The following DYSF variants were observed in gnomAD, a reference collection of about 807,000 sequenced individuals.
DYSF encodes the protein dystrophy-associated fer-1-like 1.
In DYSF, 212 loss-of-function variants were observed where a neutral mutation model predicts 274.9. The observed-to-expected ratio is 0.77, with a 90% CI of 0.69 to 0.86. The LOEUF (loss-of-function observed/expected upper bound fraction) is 0.86. Among genes scored for constraint, DYSF ranks in the 40% least tolerant of loss-of-function variants. DYSF has a pLI of 0.00. For synonymous variants in DYSF, 1,091 were observed against 1,078.7 expected, an observed-to-expected ratio of 1.01 and a Z score of -0.22; for missense variants, 2,666 against 2,783.2, an observed-to-expected ratio of 0.96 and a Z score of 0.95.
At chr2:71,490,464 G>A (rs559408983) in intron 3 of DYSF, among the ~76,000 whole-genome samples, 16 of 152,174 alleles carry the variant, frequency 1.1e-4, no homozygotes, top group East Asian at 1.9e-4. Flanking sequence ...CTCAGCTTCC[G>A]GAGTAGCTGG....
At chr2:71,577,583 C>T (rs914719933) in intron 30 of DYSF, among the ~76,000 whole-genome samples, 1 of 151,962 alleles carries the variant, frequency 6.6e-6, no homozygotes, top group Non-Finnish European at 1.5e-5. Flanking sequence ...CACACCAACA[C>T]ACTCATACAC....
At chr2:71,627,418 A>G (rs1161434864) in intron 41 of DYSF, among the ~76,000 whole-genome samples, 1 of 152,100 alleles carries the variant, frequency 6.6e-6, no homozygotes, top group African/African-American at 2.4e-5. Flanking sequence ...TTTCTAGGTT[A>G]ACTGGAATGG....
At chr2:71,545,708 A>C (rs547541032) in intron 17 of DYSF, among the ~76,000 whole-genome samples, 4 of 152,248 alleles carry the variant, frequency 2.6e-5, no homozygotes, top group African/African-American at 9.6e-5. Context: ...GTTTTCCGAC[A>C]GTTGTGTTTC....
chr2:71,513,987 T>C (rs1365153289), intron 7 of DYSF, 66 bp downstream of exon 7: 3 of 1,573,952 alleles, frequency 1.9e-6, no homozygotes, highest in Admixed American at 3.4e-5. Flanking sequence ...GCCAGGCACC[T>C]GCCTGGTTTG....
chr2:71,484,081 C>G (rs1205856195), intron 3 of DYSF, among the ~76,000 whole-genome samples: 1 of 101,032 alleles, frequency 9.9e-6, no homozygotes, highest in Middle Eastern at 0.013. Flanking sequence ...GAGACGAAGT[C>G]TTGCTCTGTG....
At position 71,612,904 on chromosome 2, in the gene DYSF, C is replaced by T. The variant is rs376791568; in HGVS notation, c.4387+98C>T. 256 of 1,411,954 alleles carry T rather than the reference C, an allele frequency of 1.8e-4. No individual in the cohort carries two copies. In the South Asian group the frequency reaches 3.1e-3, roughly 17 times the overall value. 87.5% of individuals were successfully genotyped at this position (1,411,954 alleles called of 1,614,324 possible). A position where few individuals can be genotyped will look rare whatever the true frequency, so the allele number is the denominator to read the frequency against. ...GATGCATCCTGAAACCCTTCTCTTA[C>T]GGAGACCTGAATGAGAAGTGGTTTC... On this transcript the variant is annotated intron_variant, in intron 39 of 55. Transcript: ENST00000410020.
chr2:71,526,416 G>GGGGGC, intron 13 of DYSF, 70 bp downstream of exon 13: 1 of 513,690 alleles, frequency 1.9e-6, no homozygotes, highest in Non-Finnish European at 3.7e-6. Flanking sequence ...GGGGGTGGGC[G>GGGGGC]ATGGCGGGCG....
chr2:71,628,185 G>A (rs1226908189), intron 41 of DYSF, among the ~76,000 whole-genome samples: 1 of 151,602 alleles, frequency 6.6e-6, no homozygotes, highest in Non-Finnish European at 1.5e-5. Context: ...TTTCTTTAGT[G>A]ATTAGTATAG....
chr2:71,522,782 C>T (rs553260255), intron 12 of DYSF, among the ~76,000 whole-genome samples: 1 of 152,266 alleles, frequency 6.6e-6, no homozygotes, highest in South Asian at 2.1e-4. Context: ...TGTTCCCCAT[C>T]CCGTATTAGG....
chr2:71,470,103 G>A (rs1449175227), intron 1 of DYSF, among the ~76,000 whole-genome samples: 1 of 152,148 alleles, frequency 6.6e-6, no homozygotes, highest in Non-Finnish European at 1.5e-5. Flanking sequence ...TCTGCCCTGT[G>A]TCATCAGCCA....
intron 32 of DYSF, among the ~76,000 whole-genome samples, chr2:71,594,016 C>A (rs2093343218): frequency 6.6e-6 from 1 of 152,168 alleles, no homozygotes; most frequent in Non-Finnish European, 1.5e-5. Flanking sequence ...TCTTTGCTGG[C>A]CTTACAGCTC....
chr2:71,666,745 C>T (rs2095019979), intron 47 of DYSF, among the ~76,000 whole-genome samples: 1 of 152,224 alleles, frequency 6.6e-6, no homozygotes, highest in South Asian at 2.1e-4. Flanking sequence ...CCTAAGTGAG[C>T]ATGTGATCTC....
Position 71,551,706 on chromosome 2 carries a change from ATCCTCC to A in DYSF, c.1793_1798del (p.Ile598_Leu599del). ...GGTGGAGGACCTTCCTGCGGATGAC[ATCCTCC>A]GGGTGGAGGTGAGGGGTGTGGCTCT... On this transcript the variant is annotated inframe_deletion, in exon 19 of 56. Coordinates refer to ENST00000410020, the MANE Select transcript of DYSF (RefSeq NM_001130987.2). 6.2e-7 allele frequency: 1 copy of A among 1,606,358 alleles called. No homozygotes were observed. Among genetic ancestry groups the A allele is most frequent in the South Asian group, 1.1e-5 (1 of 89,180 alleles).
intron 10 of DYSF, among the ~76,000 whole-genome samples, chr2:71,518,804 T>A (rs1193429142): frequency 6.6e-6 from 1 of 151,888 alleles, no homozygotes; most frequent in Non-Finnish European, 1.5e-5. Context: ...CAATAAATAA[T>A]TGCTGGGACC....
At chr2:71,526,418 T>TGGTGGGGGGGGGGTTG in intron 13 of DYSF, 72 bp downstream of exon 13, 1 of 261,502 alleles carries the variant, frequency 3.8e-6, no homozygotes, top group Non-Finnish European at 7.0e-6. Flanking sequence ...GGGTGGGCGA[T>TGGTGGGGGGGGGGTTG]GGCGGGCGGG....
intron 33 of DYSF, 75 bp downstream of exon 33, chr2:71,598,820 G>T (rs1347639335): frequency 6.4e-7 from 1 of 1,564,540 alleles, no homozygotes; most frequent in East Asian, 2.3e-5. Flanking sequence ...CCAGGGACTC[G>T]TGGCTGCCCA....
chr2:71,612,795 A>G lies in DYSF; in HGVS notation c.4376A>G (p.Gln1459Arg). The part of the protein sequence containing the change: ...DPYSAESPSP[Q>R]GGPDDVSLLS... ...TACTCGGCGGAGAGTCCATCCCCAC[A>G]GGGTGGCCCAGGTAGGGGAAGGGGA... Residue 1459 changes from glutamine to arginine, a missense_variant, in exon 39 of 56, where the codon CAG becomes CGG. Gln to Arg is a conservative substitution (Grantham distance 43). Coordinates refer to ENST00000410020, the MANE Select transcript of DYSF (RefSeq NM_001130987.2). 6.2e-7 allele frequency: 1 copy of G among 1,612,208 alleles called. No homozygotes were observed. Among genetic ancestry groups the G allele is most frequent in the Non-Finnish European group, 8.5e-7 (1 of 1,178,492 alleles).
intron 51 of DYSF, 93 bp from the exon 52 acceptor site, chr2:71,674,104 G>C: frequency 8.8e-7 from 1 of 1,129,974 alleles, no homozygotes; most frequent in East Asian, 2.5e-5. Flanking sequence ...CTACTCCTCT[G>C]CCTCCTCCAG....
chr2:71,467,571 A>T (rs529816503), intron 1 of DYSF, among the ~76,000 whole-genome samples: 65 of 152,252 alleles, frequency 4.3e-4, no homozygotes, highest in Non-Finnish European at 8.4e-4. Flanking sequence ...AATCACACAC[A>T]CACTCCTCTT....
Sources: allele counts gnomAD v4.1 joint callset (sites outside exome capture counted in the v4.1 genomes callset), GRCh38; gene constraint gnomAD v4.1.1; transcripts MANE v1.5; gene names NCBI Gene and HGNC (gene_info 2026-07-23, HGNC 2026-07-21).